The following NPAS3 variants were observed in gnomAD, a reference collection of about 807,000 sequenced individuals.
NPAS3 encodes neuronal PAS domain-containing protein 3.
NPAS3 carries 14 observed loss-of-function variants against 73.1 expected under a neutral mutation model. The ratio of observed to expected loss-of-function variants is 0.19; its 90% CI spans 0.13 to 0.30. NPAS3 has a LOEUF of 0.30. Ranked by LOEUF, NPAS3 falls within the 10% of genes least tolerant of loss-of-function variation. NPAS3 has a pLI of 1.00. For missense variants in NPAS3, 1,096 were observed against 1,250.0 expected (o/e 0.88, Z 1.86); for synonymous variants, 620 against 541.5 (o/e 1.14, Z -2.01).
At chr14:33,263,048 A>C (rs1315789379) in intron 3 of NPAS3, among the ~76,000 whole-genome samples, 2 of 151,858 alleles carry the variant, frequency 1.3e-5, no homozygotes, top group African/African-American at 4.8e-5. Flanking sequence ...GATTTCAAAA[A>C]TTTTCTCCCA....
intron 2 of NPAS3, among the ~76,000 whole-genome samples, chr14:33,140,016 G>T (rs573898518): frequency 1.1e-4 from 17 of 151,710 alleles, no homozygotes; most frequent in African/African-American, 4.1e-4. Flanking sequence ...CATGTTGTTT[G>T]CTGTCAGTGC....
intron 1 of NPAS3, among the ~76,000 whole-genome samples, chr14:33,048,266 C>T (rs1484842453): frequency 6.6e-6 from 1 of 152,204 alleles, no homozygotes; most frequent in Non-Finnish European, 1.5e-5. Context: ...GAAGACTGGT[C>T]ATCCTAACCT....
chr14:33,514,497 ATTC>A (rs765567032), intron 4 of NPAS3, among the ~76,000 whole-genome samples: 103 of 152,158 alleles, frequency 6.8e-4, no homozygotes, highest in Non-Finnish European at 1.3e-3. Flanking sequence ...CTTGGTGAAT[ATTC>A]TTCTCCTAAA....
intron 4 of NPAS3, among the ~76,000 whole-genome samples, chr14:33,411,008 A>G (rs12100538): frequency 0.45 from 69,034 of 151,948 alleles, 16,626 homozygotes; most frequent in African/African-American, 0.61. Context: ...TTTCAATGAT[A>G]TAGCCTCTTG....
At chr14:33,670,623 T>C (rs201962530) in intron 5 of NPAS3, among the ~76,000 whole-genome samples, 1 of 118,610 alleles carries the variant, frequency 8.4e-6, no homozygotes, top group African/African-American at 2.9e-5. Context: ...TGACCCCCCC[T>C]CAAAAAAAAA....
chr14:33,440,925 AACAG>A (rs2049220226), intron 4 of NPAS3, among the ~76,000 whole-genome samples: 1 of 151,770 alleles, frequency 6.6e-6, no homozygotes, highest in African/African-American at 2.4e-5. Flanking sequence ...GAAGAGCACA[AACAG>A]CTGTTTTTCT....
At chr14:33,268,970 G>A (rs924906119) in intron 3 of NPAS3, among the ~76,000 whole-genome samples, 1 of 152,108 alleles carries the variant, frequency 6.6e-6, no homozygotes, top group Non-Finnish European at 1.5e-5. Flanking sequence ...GAAGTGAAAG[G>A]TCATGGCAGA....
At chr14:33,570,553 G>T (rs140983971) in intron 5 of NPAS3, among the ~76,000 whole-genome samples, 2 of 152,242 alleles carry the variant, frequency 1.3e-5, no homozygotes, top group African/African-American at 4.8e-5. Context: ...TAAAGTTGAC[G>T]TTGCCGGGTT....
chr14:33,452,229 G>A (rs1437392078), intron 4 of NPAS3, among the ~76,000 whole-genome samples: 2 of 152,164 alleles, frequency 1.3e-5, no homozygotes, highest in African/African-American at 2.4e-5. Flanking sequence ...CTCGGATGGG[G>A]CTGGGCATTG....
intron 3 of NPAS3, among the ~76,000 whole-genome samples, chr14:33,269,900 A>G (rs1314618824): frequency 6.6e-6 from 1 of 152,190 alleles, no homozygotes; most frequent in Non-Finnish European, 1.5e-5. Context: ...CAAAGTGACA[A>G]CTACCTATAC....
intron 2 of NPAS3, among the ~76,000 whole-genome samples, chr14:33,076,006 A>T (rs2041645235): frequency 6.6e-6 from 1 of 152,204 alleles, no homozygotes; most frequent in Admixed American, 6.5e-5. Flanking sequence ...ATTTTTGTAA[A>T]TAATATGTAT....
At chr14:33,042,503 A>G (rs1429917656) in intron 1 of NPAS3, among the ~76,000 whole-genome samples, 1 of 152,198 alleles carries the variant, frequency 6.6e-6, no homozygotes, top group Non-Finnish European at 1.5e-5. Flanking sequence ...TGATGTAGAA[A>G]GCTCTGCCAA....
At chr14:33,603,397 G>A (rs917707978) in intron 5 of NPAS3, among the ~76,000 whole-genome samples, 3 of 152,088 alleles carry the variant, frequency 2.0e-5, no homozygotes, top group Admixed American at 2.0e-4. Context: ...TAAAGGAGAT[G>A]GGAGAATGCA....
chr14:33,153,119 C>T (rs1435197179), intron 2 of NPAS3, among the ~76,000 whole-genome samples: 1 of 151,960 alleles, frequency 6.6e-6, no homozygotes, highest in Admixed American at 6.6e-5. Context: ...TCTGCAGATG[C>T]AGTTTCTGTT....
chr14:33,518,592 AT>A (rs71433619), intron 4 of NPAS3, among the ~76,000 whole-genome samples: 7,706 of 128,636 alleles, frequency 0.06, 111 homozygotes, highest in South Asian at 0.12. Flanking sequence ...GACATCAAGG[AT>A]TTTTTTTTTT....
chr14:33,587,156 A>T (rs748385632), intron 5 of NPAS3, among the ~76,000 whole-genome samples: 1 of 152,120 alleles, frequency 6.6e-6, no homozygotes, highest in Admixed American at 6.5e-5. Flanking sequence ...TGTGCCCTTT[A>T]TTCTTCTCCC....
chr14:33,301,344 T>A lies in NPAS3; in HGVS notation c.386-65842T>A, dbSNP rs570353046. On this transcript the variant is annotated intron_variant, in intron 3 of 11. Transcript: ENST00000356141. Reference sequence around the variant, plus strand: ...TATATTTTTTTTTTTTAAATCTAGCTGTAATGGGTTATTTCATAAATAAGG... The same window carrying A: ...TATATTTTTTTTTTTTAAATCTAGCAGTAATGGGTTATTTCATAAATAAGG... Among the ~76,000 whole-genome samples the A allele has an allele frequency of 1.4e-3, 145 of 100,308 alleles. 7 individuals carry two copies. The highest frequency in any genetic ancestry group is 5.3e-3 in the African/African-American group (137 of 26,044). 65.8% of individuals were successfully genotyped at this position (100,308 alleles called of 152,430 possible).
intron 4 of NPAS3, among the ~76,000 whole-genome samples, chr14:33,459,244 A>G (rs192764884): frequency 2.5e-3 from 388 of 152,196 alleles, no homozygotes; most frequent in Non-Finnish European, 3.5e-3. Flanking sequence ...TCATCCTGTG[A>G]CTTTGAACGC....
chr14:33,710,003 CAG>C (rs1411045303), intron 6 of NPAS3, among the ~76,000 whole-genome samples: 2 of 152,184 alleles, frequency 1.3e-5, no homozygotes, highest in Non-Finnish European at 2.9e-5. Context: ...AGCAAACCAC[CAG>C]AGAGATGTGT....
Sources: gnomAD v4.1 joint callset for allele counts (sites outside exome capture counted in the v4.1 genomes callset) on GRCh38, gnomAD v4.1.1 for gene constraint, MANE v1.5 for transcripts, NCBI Gene and HGNC (gene_info 2026-07-23, HGNC 2026-07-21) for gene names.